The following TTC16 variants were observed in gnomAD, a reference collection of about 807,000 sequenced individuals.
The protein encoded by TTC16 is tetratricopeptide repeat domain 16.
A neutral mutation model predicts 80.4 loss-of-function variants in TTC16; 66 were observed. The observed-to-expected ratio is 0.82, with a 90% CI of 0.67 to 1.01. The LOEUF is 1.01. TTC16 is among the 50% of genes least tolerant of loss of function. The pLI, the probability that TTC16 is intolerant of heterozygous loss-of-function variation, is 0.00. For missense variants in TTC16, 1,070 were observed against 1,103.2 expected (o/e 0.97, Z 0.43); for synonymous variants, 438 against 451.3 (o/e 0.97, Z 0.37).
In TTC16 at chr9:127,731,226, C is replaced by T; in HGVS notation, c.2443C>T (p.Leu815Phe). Residue 815 changes from leucine (L) to phenylalanine (F), a missense_variant, in exon 14 of 14, where the codon CTC becomes TTC. Leu to Phe is a conservative substitution (Grantham distance 22). Transcript: ENST00000373289. ...TEAFYDSNWS[L>F]SKTEYAQGQG... The stretch of plus-strand genomic sequence containing the variant: ...GGCTTTCTATGACTCAAACTGGAGC[C>T]TCAGCAAAACTGAGTATGCCCAAGG... The T allele has an allele frequency of 1.2e-6, 2 of 1,613,090 alleles. No individual in the cohort carries two copies. The highest frequency in any genetic ancestry group is 1.3e-5 in the African/African-American group (1 of 75,040).
rs960760351 is a variant in TTC16 at position 127,718,780 on chromosome 9, T to C, written c.426+1008T>C. 7.2e-5 allele frequency among the ~76,000 whole-genome samples: 11 copies of C among 151,854 alleles called. 1 individual carries two copies. Among genetic ancestry groups the C allele is most frequent in the South Asian group, 6.2e-4 (3 of 4,810 alleles). On this transcript the variant is annotated intron_variant, in intron 4 of 13. Transcript: ENST00000373289. The surrounding 1 kb of genome is among the most constrained non-coding windows in gnomAD (Gnocchi z 4.6). ...CTAATTTTTGTACTTTTAATAGAGA[T>C]GGGTTTTTGCCATGTTGGCCAGGCC...
At chr9:127,730,512 T>C in intron 13 of TTC16, 124 bp from the exon 14 acceptor site, 1 of 1,425,470 alleles carries the variant, frequency 7.0e-7, no homozygotes, top group Non-Finnish European at 9.3e-7. Flanking sequence ...CTGCAGGTCT[T>C]TCCCTTTGGT....
intron 6 of TTC16, among the ~76,000 whole-genome samples, chr9:127,721,313 T>G: frequency 1.3e-5 from 2 of 148,862 alleles, no homozygotes; most frequent in African/African-American, 2.5e-5. Flanking sequence ...CAGGGTGGGG[T>G]GAGGTGGAGG....
chr9:127,717,875 C>T (rs1210096881), intron 4 of TTC16, 103 bp downstream of exon 4: 1 of 1,426,864 alleles, frequency 7.0e-7, no homozygotes, highest in Admixed American at 2.3e-5. Context: ...TCCTCCTTGT[C>T]CCTGTGTCTG....
intron 4 of TTC16, 119 bp from the exon 5 acceptor site, chr9:127,719,959 A>G: frequency 2.5e-6 from 2 of 813,016 alleles, no homozygotes; most frequent in Admixed American, 3.9e-5. Flanking sequence ...TGCCAGATCT[A>G]AAAGGCTCTG....
rs1472874438 is a variant in TTC16 at position 127,717,053 on chromosome 9, G to C, written c.191+37G>C. 7 of 1,603,686 alleles carry C rather than the reference G, an allele frequency of 4.4e-6. No homozygotes were observed. In the African/African-American group the frequency reaches 8.0e-5, roughly 18 times the overall value. ...CCTTGCTTTGGGGTCCCAGGTTCCTGCCCGACACAGCCATTCACATGCTGT... is the reference window on the plus strand; with the variant it reads ...CCTTGCTTTGGGGTCCCAGGTTCCTCCCCGACACAGCCATTCACATGCTGT... On this transcript the variant is annotated intron_variant, in intron 2 of 13. Transcript: ENST00000373289.
intron 1 of TTC16, chr9:127,716,452 GAGGGTCCTGAAGGTTACCCA>G: frequency 1.7e-6 from 1 of 571,798 alleles, no homozygotes; most frequent in South Asian, 2.1e-5. Flanking sequence ...CTGCTGGAGT[GAGGGTCCTGAAGGTTACCCA>G]AGGGACTGTA....
chr9:127,725,411 A>C (rs539282144), intron 9 of TTC16, among the ~76,000 whole-genome samples: 9 of 150,434 alleles, frequency 6.0e-5, no homozygotes, highest in African/African-American at 2.2e-4. Context: ...AAAAATACAA[A>C]AAATTAGCCG....
rs1843582452 is a variant in TTC16, at chr9:127,722,406, G to A, written c.658-713G>A. On this transcript the variant is annotated intron_variant, in intron 6 of 13. Transcript: ENST00000373289. This position sits in a 1 kb window ranked among gnomAD's most constrained non-coding sequence, Gnocchi z 4.2. ...GTACCCAGGCCCGAATCTGGGCTTG[G>A]GCAGAGGAGTCTTGGGCTCAAAGGT... Among the ~76,000 whole-genome samples, 1 of 152,158 alleles carries A rather than the reference G, an allele frequency of 6.6e-6. No homozygotes were observed. Among genetic ancestry groups the A allele is most frequent in the Non-Finnish European group, 1.5e-5 (1 of 68,016 alleles).
Position 127,724,109 on chromosome 9 carries a change from C to CA in TTC16, c.873-11_873-10insA, listed in dbSNP as rs751092765. ...TGTCCCTCCTGCCGTCTCCCACGCC[C>CA]CCCCCGACAGGGGCACCATGTACCG... is the stretch of plus-strand genomic sequence containing the variant. On this transcript the variant is annotated splice_polypyrimidine_tract_variant and intron_variant, in intron 7 of 13. Coordinates refer to ENST00000373289, the MANE Select transcript of TTC16 (RefSeq NM_144965.3). 24 of 1,597,652 alleles carry CA rather than the reference C, an allele frequency of 1.5e-5. No homozygotes were observed. The highest frequency in any genetic ancestry group is 1.5e-4 in the South Asian group (13 of 88,992).
At chr9:127,725,436 C>T (rs1371823499) in intron 9 of TTC16, among the ~76,000 whole-genome samples, 1 of 147,356 alleles carries the variant, frequency 6.8e-6, no homozygotes, top group Non-Finnish European at 1.5e-5. Context: ...TCGTGGTGGG[C>T]GCCTATAGTC....
Position 127,731,145 on chromosome 9 carries a change from G to T in TTC16, c.2362G>T (p.Val788Phe), listed in dbSNP as rs746101803. 8.7e-6 allele frequency: 14 copies of T among 1,611,522 alleles called. No individual in the cohort carries two copies. The highest frequency in any genetic ancestry group is 1.1e-5 in the Non-Finnish European group (13 of 1,179,466). The change falls in exon 14 of 14, where the codon GTT (valine) becomes TTT (phenylalanine). Residue 788 changes from valine (V) to phenylalanine (F), a missense_variant. Transcript: ENST00000373289. ...ARGRSWRPSK[V>F]DATQGRSRGL... is the part of the protein sequence containing the mutation. ...TGGCCGGAGCTGGAGACCCAGCAAG[G>T]TTGATGCCACCCAGGGCCGAAGCAG...
chr9:127,716,199 G>A lies in TTC16; in HGVS notation c.18+36G>A, dbSNP rs764214457. ...GGGAGAAGACTAACGCAAAGGCAGAGGGCCAGGCAGAGAGACCGAGGCTGG... is the reference window on the plus strand; with the variant it reads ...GGGAGAAGACTAACGCAAAGGCAGAAGGCCAGGCAGAGAGACCGAGGCTGG... On this transcript the variant is annotated intron_variant, in intron 1 of 13. Coordinates refer to ENST00000373289, the MANE Select transcript of TTC16 (RefSeq NM_144965.3). The A allele has an allele frequency of 5.8e-5, 93 of 1,613,702 alleles. 1 individual carries two copies. The highest frequency in any genetic ancestry group is 7.5e-5 in the Non-Finnish European group (88 of 1,179,992).
chr9:127,731,394 G>C lies in TTC16; in HGVS notation c.2611G>C (p.Glu871Gln), dbSNP rs1844409558. 4 of 1,610,938 alleles carry C rather than the reference G, an allele frequency of 2.5e-6. No individual in the cohort carries two copies. The highest frequency in any genetic ancestry group is 2.5e-6 in the Non-Finnish European group (3 of 1,178,804). Residue 871 changes from glutamate to glutamine, a missense_variant, in exon 14 of 14, where the codon GAA becomes CAA. By Grantham distance (29) the Glu-to-Gln change is conservative. Transcript: ENST00000373289. Reference sequence around the variant, plus strand: ...GGTTGATCAGGACCTCACCTACTATGAAGCTGTCTGAAGGGACCATCCAGA... The same window carrying C: ...GGTTGATCAGGACCTCACCTACTATCAAGCTGTCTGAAGGGACCATCCAGA... ...TEVDQDLTYY[E>Q]AV
Position 127,723,195 on chromosome 9 carries a change from A to G in TTC16, c.734A>G (p.Gln245Arg), listed in dbSNP as rs533250273. 3.2e-5 allele frequency: 51 copies of G among 1,612,746 alleles called. No homozygotes were observed. The highest frequency in any genetic ancestry group is 4.1e-5 in the Non-Finnish European group (48 of 1,180,036). Residue 245 changes from glutamine to arginine, a missense_variant, in exon 7 of 14, where the codon CAG becomes CGG. Physicochemically the swap from Gln to Arg is conservative, Grantham distance 43. Coordinates refer to ENST00000373289, the MANE Select transcript of TTC16 (RefSeq NM_144965.3). ...CACCCGCAGGCCAGGATGCTGCTCC[A>G]GAAGATGGTGGCCCAGGCCCAGCAG... Reference protein sequence around the residue: ...PKHPQARMLLQKMVAQAQQAR... With the variant: ...PKHPQARMLLRKMVAQAQQAR...
intron 13 of TTC16, 199 bp from the exon 14 acceptor site, chr9:127,730,437 C>A: frequency 1.4e-6 from 1 of 694,372 alleles, no homozygotes; most frequent in Non-Finnish European, 2.3e-6. Flanking sequence ...GGCTCCTAGG[C>A]ATCTCCCCCA....
chr9:127,721,553 G>A (rs923305869), intron 6 of TTC16, among the ~76,000 whole-genome samples: 8 of 152,086 alleles, frequency 5.3e-5, no homozygotes, highest in Admixed American at 2.0e-4. Flanking sequence ...GGGTGCGGCC[G>A]AAATGCCAGC....
At chr9:127,720,802 TCC>T (rs1267284619) in intron 6 of TTC16, among the ~76,000 whole-genome samples, 5 of 128,262 alleles carry the variant, frequency 3.9e-5, no homozygotes, top group South Asian at 2.6e-4. Flanking sequence ...CCTTCCCCCT[TCC>T]TCCCTCCTTC....
intron 8 of TTC16, 50 bp from the exon 9 acceptor site, chr9:127,724,706 C>G: frequency 6.3e-7 from 1 of 1,582,768 alleles, no homozygotes; most frequent in South Asian, 1.1e-5. Context: ...GGCTGGGGCT[C>G]CCGGGCACTG....
Sources: allele counts gnomAD v4.1 joint callset (sites outside exome capture counted in the v4.1 genomes callset), GRCh38; gene constraint gnomAD v4.1.1; non-coding constraint Gnocchi (gnomAD v3.1); transcripts MANE v1.5; gene names NCBI Gene and HGNC (gene_info 2026-07-23, HGNC 2026-07-21).